Variants in ATP6V1H observed in about 807,000 individuals in gnomAD.
The protein encoded by ATP6V1H is ATPase H+ transporting V1 subunit H.
Under a neutral mutation model 71.7 loss-of-function variants are expected in ATP6V1H, and 39 were observed. The ratio of observed to expected loss-of-function variants is 0.54; its 90% CI spans 0.42 to 0.71. The LOEUF (loss-of-function observed/expected upper bound fraction) is 0.71. ATP6V1H is among the 30% of genes least tolerant of loss of function. The probability of loss-of-function intolerance (pLI) is 0.00; values close to 1 mark genes in which losing one functional copy is unlikely to be tolerated. For missense variants in ATP6V1H, 509 were observed against 594.9 expected (o/e 0.86, Z 1.50); for synonymous variants, 192 against 199.3 (o/e 0.96, Z 0.31).
chr8:53,769,252 A>G (rs780396035), intron 11 of ATP6V1H, among the ~76,000 whole-genome samples: 3 of 152,158 alleles, frequency 2.0e-5, no homozygotes, highest in African/African-American at 4.8e-5. Context: ...GGAAAGACTG[A>G]TGAATTGACC....
chr8:53,762,211 T>C (rs971945567), intron 11 of ATP6V1H, among the ~76,000 whole-genome samples: 11 of 150,720 alleles, frequency 7.3e-5, no homozygotes, highest in African/African-American at 2.7e-4. Context: ...AAAGTTCCAA[T>C]GAAGTTGAGG....
chr8:53,730,768 A>C (rs1806987343), intron 13 of ATP6V1H, among the ~76,000 whole-genome samples: 1 of 151,964 alleles, frequency 6.6e-6, no homozygotes, highest in Admixed American at 6.6e-5. Context: ...CAATTAAAAA[A>C]CTCAAAAACA....
chr8:53,721,463 A>AT (rs1290706212), intron 13 of ATP6V1H, among the ~76,000 whole-genome samples: 4 of 152,124 alleles, frequency 2.6e-5, no homozygotes, highest in Non-Finnish European at 4.4e-5. Context: ...AATATGTACC[A>AT]TTTTTTAGTG....
rs1811397386 is a variant in ATP6V1H, at chr8:53,843,088, C to CGGGGCGCCGGGGACACAGCCGGGCT, written c.-115_-91dup. 6.6e-6 allele frequency: 1 copy of CGGGGCGCCGGGGACACAGCCGGGCT among 152,468 alleles called. No homozygotes were observed. Among genetic ancestry groups the CGGGGCGCCGGGGACACAGCCGGGCT allele is most frequent in the South Asian group, 2.1e-4 (1 of 4,836 alleles). 9.4% of individuals were successfully genotyped at this position (152,468 alleles called of 1,614,324 possible). A position where few individuals can be genotyped will look rare whatever the true frequency, so the allele number is the denominator to read the frequency against. ...CCCAAAGCCGGCAGGGAGGGTGGTC[C>CGGGGCGCCGGGGACACAGCCGGGCT]GGGGCGCCGGGGACACAGCCGGGCT... On this transcript the variant is annotated 5_prime_UTR_variant, in exon 1 of 14. Coordinates refer to ENST00000359530, the MANE Select transcript of ATP6V1H (RefSeq NM_015941.4).
At chr8:53,834,237 A>G (rs923849335) in intron 2 of ATP6V1H, among the ~76,000 whole-genome samples, 2 of 152,192 alleles carry the variant, frequency 1.3e-5, no homozygotes, top group Non-Finnish European at 2.9e-5. Context: ...TCTGACCACT[A>G]TTCACACCAG....
intron 11 of ATP6V1H, among the ~76,000 whole-genome samples, chr8:53,757,575 A>G (rs1393067986): frequency 1.3e-5 from 2 of 152,218 alleles, no homozygotes; most frequent in African/African-American, 4.8e-5. Flanking sequence ...AGTCAGAATG[A>G]ATGTTTTTTA....
At chr8:53,719,153 G>C (rs1436220183) in intron 13 of ATP6V1H, among the ~76,000 whole-genome samples, 1 of 152,056 alleles carries the variant, frequency 6.6e-6, no homozygotes, top group Admixed American at 6.5e-5. Flanking sequence ...CTTCGAACTT[G>C]GCTTTTATGT....
Position 53,755,731 on chromosome 8 carries a change from T to C in ATP6V1H, c.1277+824A>G, listed in dbSNP as rs1454730738. 1.6e-3 allele frequency among the ~76,000 whole-genome samples: 11 copies of C among 6,926 alleles called. 1 individual carries two copies. Among genetic ancestry groups the C allele is most frequent in the African/African-American group, 0.01 (11 of 1,094 alleles). The allele number at this position is 6,926 out of a possible 152,430, so 4.5% of individuals were successfully genotyped here. On this transcript the variant is annotated intron_variant, in intron 12 of 13. Coordinates refer to ENST00000359530, the MANE Select transcript of ATP6V1H (RefSeq NM_015941.4). ...ATATATATATATATATATATATATA[T>C]ATATATATATATATTTTTTTTTTTT... is the stretch of plus-strand genomic sequence containing the variant.
intron 11 of ATP6V1H, among the ~76,000 whole-genome samples, chr8:53,758,207 GATA>G (rs1401210828): frequency 6.6e-6 from 1 of 151,968 alleles, no homozygotes; most frequent in East Asian, 1.9e-4. Flanking sequence ...GAAACATTTT[GATA>G]ATTTCAAAAA....
chr8:53,775,715 C>T (rs957411418), intron 9 of ATP6V1H, among the ~76,000 whole-genome samples: 1 of 151,872 alleles, frequency 6.6e-6, no homozygotes, highest in East Asian at 1.9e-4. Flanking sequence ...TACAGAGTGT[C>T]GATTGGTGCA....
At chr8:53,733,257 G>C (rs561567363) in intron 13 of ATP6V1H, among the ~76,000 whole-genome samples, 1 of 152,218 alleles carries the variant, frequency 6.6e-6, no homozygotes, top group Non-Finnish European at 1.5e-5. Context: ...ACTAGCTCCT[G>C]AGAGCCAGAA....
intron 13 of ATP6V1H, among the ~76,000 whole-genome samples, chr8:53,741,536 T>C (rs1266736064): frequency 6.6e-6 from 1 of 152,220 alleles, no homozygotes; most frequent in Non-Finnish European, 1.5e-5. Context: ...CCTGAAATTC[T>C]ATTAAATGCC....
At chr8:53,758,603 G>A (rs1808153888) in intron 11 of ATP6V1H, among the ~76,000 whole-genome samples, 2 of 152,186 alleles carry the variant, frequency 1.3e-5, no homozygotes, top group Non-Finnish European at 2.9e-5. Context: ...CTACTAATTG[G>A]AGTGCATATT....
intron 9 of ATP6V1H, among the ~76,000 whole-genome samples, chr8:53,791,868 A>G (rs1459087734): frequency 6.6e-6 from 1 of 152,186 alleles, no homozygotes; most frequent in Non-Finnish European, 1.5e-5. Flanking sequence ...TATGTTGGTC[A>G]TCTGTGTCCC....
intron 13 of ATP6V1H, among the ~76,000 whole-genome samples, chr8:53,718,099 C>T (rs1806485889): frequency 6.6e-6 from 1 of 152,190 alleles, no homozygotes; most frequent in Admixed American, 6.5e-5. Context: ...CACAGACAGG[C>T]TCCCACCTGC....
At chr8:53,797,823 AC>A (rs1809791162) in intron 8 of ATP6V1H, among the ~76,000 whole-genome samples, 1 of 152,032 alleles carries the variant, frequency 6.6e-6, no homozygotes, top group Non-Finnish European at 1.5e-5. Flanking sequence ...ACATGGCAAA[AC>A]CCCATCTCTA....
chr8:53,779,785 CAT>C (rs1809031196), intron 9 of ATP6V1H, among the ~76,000 whole-genome samples: 1 of 152,082 alleles, frequency 6.6e-6, no homozygotes, highest in Non-Finnish European at 1.5e-5. Flanking sequence ...ACTTTAGAAA[CAT>C]ATCAAAGCTC....
intron 12 of ATP6V1H, among the ~76,000 whole-genome samples, chr8:53,753,494 G>C (rs1807875137): frequency 6.6e-6 from 1 of 152,206 alleles, no homozygotes; most frequent in Non-Finnish European, 1.5e-5. Flanking sequence ...CTTGGCAGCA[G>C]GTCAGGTGTG....
chr8:53,744,854 C>T (rs546825983), intron 12 of ATP6V1H, among the ~76,000 whole-genome samples: 1 of 152,230 alleles, frequency 6.6e-6, no homozygotes, highest in South Asian at 2.1e-4. Context: ...GTTAATTAGA[C>T]AAGTCCTTTA....
Sources: gnomAD v4.1 joint callset for allele counts (sites outside exome capture counted in the v4.1 genomes callset) on GRCh38, gnomAD v4.1.1 for gene constraint, MANE v1.5 for transcripts, NCBI Gene and HGNC (gene_info 2026-07-23, HGNC 2026-07-21) for gene names.